The following FBXL17 variants were observed in gnomAD, a reference collection of about 807,000 sequenced individuals.
FBXL17 encodes F-box/LRR-repeat protein 17.
A neutral mutation model predicts 66.2 loss-of-function variants in FBXL17; 22 were observed. The ratio of observed to expected loss-of-function variants is 0.33; its 90% CI spans 0.24 to 0.47. The LOEUF is 0.47. Ranked by LOEUF, FBXL17 falls within the 20% of genes least tolerant of loss-of-function variation. FBXL17 has a pLI of 1.00. For missense variants in FBXL17, 878 were observed against 948.2 expected (o/e 0.93, Z 0.97); for synonymous variants, 474 against 400.5 (o/e 1.18, Z -2.19).
At chr5:107,887,287 T>C (rs894384988) in intron 7 of FBXL17, among the ~76,000 whole-genome samples, 2 of 152,260 alleles carry the variant, frequency 1.3e-5, no homozygotes, top group African/African-American at 4.8e-5. Context: ...ACTACAATTT[T>C]CTAAGTGACA....
rs1305644776 is a variant in FBXL17, at chr5:108,380,836, G to A, written c.856C>T (p.Pro286Ser). 8.0e-7 allele frequency: 1 copy of A among 1,247,514 alleles called. No individual in the cohort carries two copies. Among genetic ancestry groups the A allele is most frequent in the Non-Finnish European group, 1.0e-6 (1 of 988,176 alleles). The allele number at this position is 1,247,514 out of a possible 1,614,324, so 77.3% of individuals were successfully genotyped here. A position where few individuals can be genotyped will look rare whatever the true frequency, so the allele number is the denominator to read the frequency against. The change falls in exon 1 of 9, where the codon CCC (proline) becomes TCC (serine). Residue 286 changes from proline to serine, a missense_variant. Physicochemically the swap from Pro to Ser is moderately conservative, Grantham distance 74. Around this residue, in one of 4 missense-constraint regions of FBXL17, gnomAD observed 605 missense variants for 509.5 expected, o/e 1.19. Transcript: ENST00000542267. ...TCATGCTGCTGCTGGGCGGACAAGG[G>A]GGCGGTGCCCCCGGCTCGGACAGCG... ...GDAVRAGGTAPLSAQQQHECG... is the reference protein window; with the variant it reads ...GDAVRAGGTASLSAQQQHECG...
chr5:108,113,647 A>G lies in FBXL17; in HGVS notation c.1745+72470T>C, dbSNP rs560088136. ...CATTAAAAAGTAGTAAATCTCTCTG[A>G]GAAATGTCCCCATTGAACTAAACAC... On this transcript the variant is annotated intron_variant, in intron 6 of 8. Coordinates refer to ENST00000542267, the MANE Select transcript of FBXL17 (RefSeq NM_001163315.3). Among the ~76,000 whole-genome samples, 27 of 152,282 alleles carry G rather than the reference A, an allele frequency of 1.8e-4. No individual in the cohort carries two copies. The South Asian group carries it at 5.6e-3, about 32-fold the overall frequency.
intron 6 of FBXL17, among the ~76,000 whole-genome samples, chr5:108,102,597 T>G (rs1749643875): frequency 6.6e-6 from 1 of 152,218 alleles, no homozygotes; most frequent in Admixed American, 6.5e-5. Context: ...TAGGCTACTC[T>G]GTTGGTCAGA....
intron 6 of FBXL17, among the ~76,000 whole-genome samples, chr5:108,039,962 A>C (rs1746985475): frequency 1.3e-5 from 2 of 152,152 alleles, no homozygotes; most frequent in South Asian, 4.1e-4. Context: ...AATAGTAAAA[A>C]TGTTGAAGCA....
In FBXL17 at chr5:107,922,805, C is replaced by A. The variant is rs569577670; in HGVS notation, c.1823-41626G>T. On this transcript the variant is annotated intron_variant, in intron 7 of 8. Transcript: ENST00000542267. ...AATTACCCAAAAGGCACAGGGTCAT[C>A]TGCCACCTTCAAAGAAACAGGCCTA... Among the ~76,000 whole-genome samples the A allele has an allele frequency of 8.5e-5, 13 of 152,324 alleles. No homozygotes were observed. The South Asian group carries it at 1.4e-3, about 17-fold the overall frequency.
At chr5:108,174,435 G>T (rs1051028111) in intron 6 of FBXL17, among the ~76,000 whole-genome samples, 9 of 152,012 alleles carry the variant, frequency 5.9e-5, no homozygotes, top group Non-Finnish European at 1.2e-4. Flanking sequence ...AAACAGAAAA[G>T]CAATTAGCCT....
intron 6 of FBXL17, among the ~76,000 whole-genome samples, chr5:108,139,137 A>T (rs1030218169): frequency 2.6e-5 from 4 of 152,134 alleles, no homozygotes; most frequent in African/African-American, 7.2e-5. Context: ...CATATTTAGT[A>T]TGTGTGTGTT....
chr5:107,913,664 AG>A (rs1380852307), intron 7 of FBXL17, among the ~76,000 whole-genome samples: 1 of 152,094 alleles, frequency 6.6e-6, no homozygotes, highest in East Asian at 1.9e-4. Flanking sequence ...GGAGGGAGAA[AG>A]GAGCACACTC....
At chr5:107,970,179 C>T (rs1350854630) in intron 7 of FBXL17, among the ~76,000 whole-genome samples, 3 of 152,092 alleles carry the variant, frequency 2.0e-5, no homozygotes, top group Non-Finnish European at 4.4e-5. Flanking sequence ...ACTTTCCACT[C>T]CCTTTCTGGG....
chr5:107,864,168 C>T (rs1389844260), intron 8 of FBXL17, among the ~76,000 whole-genome samples: 2 of 152,078 alleles, frequency 1.3e-5, no homozygotes, highest in African/African-American at 4.8e-5. Flanking sequence ...ATATAAAAAG[C>T]CCACCATACA....
chr5:107,897,547 T>C (rs1423887935), intron 7 of FBXL17, among the ~76,000 whole-genome samples: 1 of 152,112 alleles, frequency 6.6e-6, no homozygotes, highest in African/African-American at 2.4e-5. Context: ...CTTTTGATAT[T>C]GGACAATGCC....
chr5:108,325,264 C>T lies in FBXL17; in HGVS notation c.1506+23135G>A, dbSNP rs192770557. Among the ~76,000 whole-genome samples, 6 of 152,114 alleles carry T rather than the reference C, an allele frequency of 3.9e-5. No individual in the cohort carries two copies. In the South Asian group the frequency reaches 6.2e-4, roughly 16 times the overall value. On this transcript the variant is annotated intron_variant, in intron 4 of 8. Coordinates refer to ENST00000542267, the MANE Select transcript of FBXL17 (RefSeq NM_001163315.3). The stretch of plus-strand genomic sequence containing the variant: ...CTGATAGAAAGGCACAAACTTGCCA[C>T]GTACCGCCATCAAATTCAGTCAAGG...
intron 6 of FBXL17, among the ~76,000 whole-genome samples, chr5:108,143,132 C>T (rs542118421): frequency 1.1e-4 from 16 of 151,988 alleles, no homozygotes; most frequent in African/African-American, 3.9e-4. Context: ...ACCAACCGCT[C>T]CCCGACCCCG....
chr5:108,145,199 C>T (rs1185329003), intron 6 of FBXL17, among the ~76,000 whole-genome samples: 2 of 152,154 alleles, frequency 1.3e-5, no homozygotes, highest in African/African-American at 2.4e-5. Flanking sequence ...AAAAAGCATA[C>T]ATGAAGTTTA....
chr5:107,977,607 TAC>T (rs1294470092), intron 7 of FBXL17, among the ~76,000 whole-genome samples: 1 of 152,222 alleles, frequency 6.6e-6, no homozygotes, highest in African/African-American at 2.4e-5. Flanking sequence ...TGGCATTCTT[TAC>T]AGTCACTGCC....
intron 5 of FBXL17, among the ~76,000 whole-genome samples, chr5:108,209,537 C>T (rs1192160171): frequency 2.6e-5 from 4 of 152,050 alleles, no homozygotes; most frequent in East Asian, 1.9e-4. Context: ...TGAATTTTGT[C>T]GAAGGCCTTT....
At chr5:108,317,192 G>A (rs78599206) in intron 4 of FBXL17, among the ~76,000 whole-genome samples, 12 of 150,934 alleles carry the variant, frequency 8.0e-5, no homozygotes, top group Non-Finnish European at 5.9e-5. Flanking sequence ...TTAACAAATC[G>A]GTTCCCCCAA....
At chr5:108,096,848 C>A (rs1399928851) in intron 6 of FBXL17, among the ~76,000 whole-genome samples, 2 of 152,196 alleles carry the variant, frequency 1.3e-5, no homozygotes, top group African/African-American at 4.8e-5. Context: ...CAAACATAAG[C>A]ATCCTGCTTT....
In FBXL17 at chr5:108,156,884, C is replaced by T. The variant is rs138354110; in HGVS notation, c.1745+29233G>A. The stretch of plus-strand genomic sequence containing the variant: ...AGCACATTTGCATGGCAAACAGACA[C>T]CAGAAAAATTAAAACAATTAAATTA... On this transcript the variant is annotated intron_variant, in intron 6 of 8. Coordinates refer to ENST00000542267, the MANE Select transcript of FBXL17 (RefSeq NM_001163315.3). 1.8e-4 allele frequency among the ~76,000 whole-genome samples: 28 copies of T among 151,810 alleles called. No individual in the cohort carries two copies. The East Asian group carries it at 4.8e-3, about 26-fold the overall frequency.
Sources: allele counts gnomAD v4.1 joint callset (sites outside exome capture counted in the v4.1 genomes callset), GRCh38; gene constraint gnomAD v4.1.1; regional missense constraint gnomAD v4.1.1; transcripts MANE v1.5; gene names NCBI Gene and HGNC (gene_info 2026-07-23, HGNC 2026-07-21).